The following CCDC102B variants were observed in gnomAD, a reference collection of about 807,000 sequenced individuals.
CCDC102B encodes coiled-coil domain containing 102B, also known as coiled-coil domain-containing protein 102B.
CCDC102B carries 75 observed loss-of-function variants against 57.4 expected under a neutral mutation model. That is an observed-to-expected ratio of 1.31 (90% CI 1.08 to 1.58). The LOEUF is 1.58. Among genes scored for constraint, CCDC102B ranks in the 40% most tolerant of loss-of-function variants. The probability of loss-of-function intolerance (pLI) is 0.00; values close to 1 mark genes in which losing one functional copy is unlikely to be tolerated. For synonymous variants in CCDC102B, 206 were observed against 201.9 expected, an observed-to-expected ratio of 1.02 and a Z score of -0.17; for missense variants, 636 against 582.6, an observed-to-expected ratio of 1.09 and a Z score of -0.94.
At position 68,748,205 on chromosome 18, in the gene CCDC102B, G is replaced by GGTATGTGTGTGTGTGTGT. The variant is rs530957083; in HGVS notation, c.-67+31613_-67+31614insATGTGTGTGTGTGTGTGT. Among the ~76,000 whole-genome samples, 111 of 137,596 alleles carry GGTATGTGTGTGTGTGTGT rather than the reference G, an allele frequency of 8.1e-4. 5 individuals carry two copies. Among genetic ancestry groups the GGTATGTGTGTGTGTGTGT allele is most frequent in the Non-Finnish European group, 1.3e-3 (80 of 63,866 alleles). 90.3% of individuals were successfully genotyped at this position (137,596 alleles called of 152,430 possible). The stretch of plus-strand genomic sequence containing the variant: ...TAGGTACTTTGTCCATTATTAAACT[G>GGTATGTGTGTGTGTGTGT]GTGTGTGTGTGTGTGTGTGTGTGTG... On this transcript the variant is annotated intron_variant, in intron 2 of 3. Coordinates refer to the CCDC102B transcript ENST00000578970.
chr18:69,034,228 A>C (rs2052224562), intron 7 of CCDC102B, among the ~76,000 whole-genome samples: 1 of 151,854 alleles, frequency 6.6e-6, no homozygotes, highest in Non-Finnish European at 1.5e-5. Flanking sequence ...GATTAAGTCC[A>C]GTTTGTTTAT....
At chr18:68,889,919 G>A (rs1260592688) in intron 5 of CCDC102B, among the ~76,000 whole-genome samples, 2 of 152,128 alleles carry the variant, frequency 1.3e-5, no homozygotes, top group Non-Finnish European at 2.9e-5. Context: ...GTGCTTAATT[G>A]CTTTCAGGCA....
chr18:68,777,013 AC>A (rs2034843350), intron 2 of CCDC102B, among the ~76,000 whole-genome samples: 1 of 152,000 alleles, frequency 6.6e-6, no homozygotes, highest in Admixed American at 6.6e-5. Flanking sequence ...TTGGAATTTT[AC>A]CTATAGGAAA....
intron 7 of CCDC102B, among the ~76,000 whole-genome samples, chr18:69,023,750 A>G (rs774953326): frequency 6.6e-6 from 1 of 152,004 alleles, no homozygotes; most frequent in South Asian, 2.1e-4. Context: ...CCCTATTTTT[A>G]TATATTATCA....
chr18:68,966,434 G>A (rs2050167351), intron 6 of CCDC102B, among the ~76,000 whole-genome samples: 1 of 152,150 alleles, frequency 6.6e-6, no homozygotes, highest in African/African-American at 2.4e-5. Context: ...AGTTAGTGCT[G>A]TTTGAATCAG....
intron 2 of CCDC102B, among the ~76,000 whole-genome samples, chr18:68,786,737 T>C (rs2035227772): frequency 6.8e-6 from 1 of 147,110 alleles, no homozygotes; most frequent in Non-Finnish European, 1.5e-5. Flanking sequence ...GCTGAGACAA[T>C]GGGGTTTTCT....
intron 6 of CCDC102B, among the ~76,000 whole-genome samples, chr18:68,972,918 G>A (rs1004425238): frequency 6.6e-6 from 1 of 152,068 alleles, no homozygotes; most frequent in Non-Finnish European, 1.5e-5. Context: ...AAAAGAAAAG[G>A]AACATATATT....
At chr18:68,774,315 A>T (rs1436793171) in intron 2 of CCDC102B, among the ~76,000 whole-genome samples, 1 of 151,486 alleles carries the variant, frequency 6.6e-6, no homozygotes, top group Admixed American at 6.6e-5. Context: ...TATAATAATT[A>T]TATATGTATT....
At chr18:68,885,309 C>T (rs1204038920) in intron 5 of CCDC102B, among the ~76,000 whole-genome samples, 1 of 151,936 alleles carries the variant, frequency 6.6e-6, no homozygotes, top group East Asian at 1.9e-4. Flanking sequence ...AAATTCAGAG[C>T]TCCTTAAAAA....
At chr18:69,007,387 C>T (rs1293868990) in intron 6 of CCDC102B, among the ~76,000 whole-genome samples, 2 of 152,148 alleles carry the variant, frequency 1.3e-5, no homozygotes, top group East Asian at 1.9e-4. Context: ...TCACTCAAGG[C>T]GCATATATCT....
At chr18:68,990,101 A>G (rs1423743449) in intron 6 of CCDC102B, among the ~76,000 whole-genome samples, 1 of 152,200 alleles carries the variant, frequency 6.6e-6, no homozygotes, top group Non-Finnish European at 1.5e-5. Flanking sequence ...GTGAAGCACC[A>G]TCTCTTTGCT....
intron 7 of CCDC102B, among the ~76,000 whole-genome samples, chr18:69,031,202 A>G (rs2052133316): frequency 3.9e-5 from 6 of 152,176 alleles, no homozygotes; most frequent in Admixed American, 3.3e-4. Flanking sequence ...AGAAGAAATC[A>G]TTTCATCGTG....
intron 6 of CCDC102B, among the ~76,000 whole-genome samples, chr18:69,001,328 G>A (rs1199848617): frequency 2.0e-5 from 3 of 151,902 alleles, no homozygotes; most frequent in Non-Finnish European, 2.9e-5. Context: ...TGTTGTTGTT[G>A]TTGTTTGCTG....
At chr18:68,765,606 G>GGAATCTACA (rs2034446243) in intron 2 of CCDC102B, among the ~76,000 whole-genome samples, 1 of 152,106 alleles carries the variant, frequency 6.6e-6, no homozygotes, top group Non-Finnish European at 1.5e-5. Flanking sequence ...AGCCCCTTTT[G>GGAATCTACA]GAATCATTCT....
chr18:68,917,497 A>T (rs1365548945), intron 6 of CCDC102B, among the ~76,000 whole-genome samples: 1 of 152,172 alleles, frequency 6.6e-6, no homozygotes, highest in African/African-American at 2.4e-5. Flanking sequence ...GGGAATTGTC[A>T]TGTTATGACC....
At chr18:68,911,328 G>C (rs146233802) in intron 6 of CCDC102B, among the ~76,000 whole-genome samples, 1 of 152,094 alleles carries the variant, frequency 6.6e-6, no homozygotes, top group Admixed American at 6.6e-5. Context: ...GCCAGCTAAC[G>C]CAGGAACAGA....
In CCDC102B at chr18:68,858,133, G is replaced by T. The variant is rs2038564946; in HGVS notation, c.936+11712G>T. Among the ~76,000 whole-genome samples, 3 of 152,158 alleles carry T rather than the reference G, an allele frequency of 2.0e-5. 1 individual carries two copies. Among genetic ancestry groups the T allele is most frequent in the African/African-American group, 7.2e-5 (3 of 41,430 alleles). ...GTTACTTGTGATGTCTGCACATGGT[G>T]TGCCCCCACCAGGCAACAACTGATC... On this transcript the variant is annotated intron_variant, in intron 4 of 7. Transcript: ENST00000360242.
chr18:68,936,207 T>TA (rs60766380), intron 6 of CCDC102B, among the ~76,000 whole-genome samples: 2,184 of 147,658 alleles, frequency 0.015, 49 homozygotes, highest in African/African-American at 0.048. Flanking sequence ...TATGCCAAAA[T>TA]AAAAAAAAAA....
At chr18:68,930,492 G>A (rs928484556) in intron 6 of CCDC102B, among the ~76,000 whole-genome samples, 10 of 151,846 alleles carry the variant, frequency 6.6e-5, no homozygotes, top group Admixed American at 5.9e-4. Flanking sequence ...GACACAATCA[G>A]GTGTGCTATA....
Sources: allele counts gnomAD v4.1 joint callset (sites outside exome capture counted in the v4.1 genomes callset), GRCh38; gene constraint gnomAD v4.1.1; transcripts MANE v1.5; gene names NCBI Gene and HGNC (gene_info 2026-07-23, HGNC 2026-07-21).